CCDC146: variants seen among roughly 807,000 people sequenced by gnomAD.
CCDC146 encodes coiled-coil domain containing 146.
In CCDC146, 92 loss-of-function variants were observed where a neutral mutation model predicts 119.3. The ratio of observed to expected loss-of-function variants is 0.77; its 90% CI spans 0.65 to 0.92. CCDC146 has a LOEUF of 0.92. Ranked by LOEUF, CCDC146 falls within the 40% of genes least tolerant of loss-of-function variation. The pLI, the probability that CCDC146 is intolerant of heterozygous loss-of-function variation, is 0.00. For missense variants in CCDC146, 1,000 were observed against 1,103.0 expected, an observed-to-expected ratio of 0.91 and a Z score of 1.32; for synonymous variants, 372 against 371.8, an observed-to-expected ratio of 1.00 and a Z score of -0.01.
chr7:77,136,705 T>A (rs1478907151), intron 1 of CCDC146, among the ~76,000 whole-genome samples: 2 of 152,140 alleles, frequency 1.3e-5, no homozygotes, highest in East Asian at 1.9e-4. Context: ...AAGGAAAAAA[T>A]TATACTAATT....
chr7:77,264,620 CT>C (rs1174878366), intron 9 of CCDC146, among the ~76,000 whole-genome samples: 1 of 152,210 alleles, frequency 6.6e-6, no homozygotes, highest in Non-Finnish European at 1.5e-5. Context: ...ACAGCACATA[CT>C]TTTCAAAATC....
At chr7:77,147,765 C>T (rs1791044087) in intron 1 of CCDC146, among the ~76,000 whole-genome samples, 1 of 152,232 alleles carries the variant, frequency 6.6e-6, no homozygotes, top group South Asian at 2.1e-4. Flanking sequence ...GATCGTTCCT[C>T]TGGAAGCTTC....
rs531447282 is a variant in CCDC146, at chr7:77,158,661, A to C, written c.-11-8997A>C. On this transcript the variant is annotated intron_variant, in intron 1 of 18. Coordinates refer to ENST00000285871, the MANE Select transcript of CCDC146 (RefSeq NM_020879.3). The stretch of plus-strand genomic sequence containing the variant: ...CAGCCTCCTGAGTAGCTGGGATTAC[A>C]GGCGCCCACCACCATGCCCGGCTAA... 1.9e-4 allele frequency among the ~76,000 whole-genome samples: 29 copies of C among 152,152 alleles called. No individual in the cohort carries two copies. The East Asian group carries it at 5.4e-3, about 28-fold the overall frequency.
chr7:77,210,354 G>C (rs1792158566), intron 2 of CCDC146, among the ~76,000 whole-genome samples: 1 of 152,182 alleles, frequency 6.6e-6, no homozygotes, highest in South Asian at 2.1e-4. Flanking sequence ...AATGCCACCA[G>C]TCTCTTTGCT....
chr7:77,221,150 TC>T (rs1348153113), intron 2 of CCDC146, among the ~76,000 whole-genome samples: 2 of 152,218 alleles, frequency 1.3e-5, no homozygotes, highest in East Asian at 3.9e-4. Flanking sequence ...GCTATACCAT[TC>T]ATAAAGGATC....
chr7:77,275,455 A>T (rs950996633), intron 11 of CCDC146, among the ~76,000 whole-genome samples: 2 of 152,198 alleles, frequency 1.3e-5, no homozygotes, highest in Admixed American at 6.5e-5. Context: ...ATGGGAAAGG[A>T]GATCATTGAT....
chr7:77,273,867 A>G, intron 10 of CCDC146, 78 bp downstream of exon 10: 2 of 853,684 alleles, frequency 2.3e-6, no homozygotes, highest in Non-Finnish European at 3.8e-6. Flanking sequence ...GCTCCACAAA[A>G]CCTTATCAAT....
intron 3 of CCDC146, among the ~76,000 whole-genome samples, chr7:77,239,501 G>C (rs371210116): frequency 6.6e-6 from 1 of 152,206 alleles, no homozygotes; most frequent in African/African-American, 2.4e-5. Context: ...GGATGTATCT[G>C]TACTGAATTG....
chr7:77,161,029 T>C (rs997850418), intron 1 of CCDC146, among the ~76,000 whole-genome samples: 8 of 151,994 alleles, frequency 5.3e-5, no homozygotes, highest in African/African-American at 1.9e-4. Context: ...AAAAAACACA[T>C]GAAAAAATGC....
chr7:77,171,593 C>CT (rs1342886207), intron 2 of CCDC146, among the ~76,000 whole-genome samples: 1 of 152,188 alleles, frequency 6.6e-6, no homozygotes, highest in East Asian at 1.9e-4. Flanking sequence ...TAAATTTCTT[C>CT]TGTTTCATGC....
chr7:77,136,930 T>C (rs760110003), intron 1 of CCDC146, among the ~76,000 whole-genome samples: 1 of 152,204 alleles, frequency 6.6e-6, no homozygotes, highest in Non-Finnish European at 1.5e-5. Flanking sequence ...GTTTCAAATA[T>C]GCAAGGCTGG....
At chr7:77,128,649 C>T (rs1367421648) in intron 1 of CCDC146, among the ~76,000 whole-genome samples, 3 of 151,370 alleles carry the variant, frequency 2.0e-5, no homozygotes, top group Non-Finnish European at 4.4e-5. Context: ...TTTTTCTTTC[C>T]GTTTTGGTCT....
chr7:77,181,146 A>T (rs1473407921), intron 2 of CCDC146, among the ~76,000 whole-genome samples: 3 of 152,200 alleles, frequency 2.0e-5, no homozygotes, highest in Non-Finnish European at 2.9e-5. Flanking sequence ...GTCACATGGC[A>T]AAGTAGTGGG....
intron 2 of CCDC146, among the ~76,000 whole-genome samples, chr7:77,173,056 G>T (rs2117499531): frequency 6.6e-6 from 1 of 152,076 alleles, no homozygotes; most frequent in Non-Finnish European, 1.5e-5. Flanking sequence ...TGGACACAGA[G>T]AGGGGAACAA....
rs80244972 is a variant in CCDC146, at chr7:77,260,251, T to G, written c.986+15T>G. On this transcript the variant is annotated intron_variant, in intron 8 of 18. Transcript: ENST00000285871. Reference sequence around the variant, plus strand: ...TTAACTGAAAGGTTAGTTATATTTATGTATGTTATGTTCTGTCATCTAAAT... The same window carrying G: ...TTAACTGAAAGGTTAGTTATATTTAGGTATGTTATGTTCTGTCATCTAAAT... 3.2e-6 allele frequency: 5 copies of G among 1,569,378 alleles called. No individual in the cohort carries two copies. Among genetic ancestry groups the G allele is most frequent in the Non-Finnish European group, 4.4e-6 (5 of 1,148,468 alleles).
intron 2 of CCDC146, among the ~76,000 whole-genome samples, chr7:77,197,410 C>G (rs911471910): frequency 6.6e-6 from 1 of 152,240 alleles, no homozygotes; most frequent in African/African-American, 2.4e-5. Context: ...GCATAAAGAT[C>G]AGTGGCTTGC....
chr7:77,289,867 G>C (rs1793912719), intron 17 of CCDC146, among the ~76,000 whole-genome samples: 1 of 152,242 alleles, frequency 6.6e-6, no homozygotes, highest in Non-Finnish European at 1.5e-5. Context: ...ACTCGAGTGT[G>C]TAGTGGTTGC....
At chr7:77,237,113 C>G (rs1379125268) in intron 3 of CCDC146, 84 bp downstream of exon 3, 9 of 1,108,562 alleles carry the variant, frequency 8.1e-6, no homozygotes, top group Admixed American at 1.9e-5. Context: ...TTTGCATTCC[C>G]CCATAAGCAG....
chr7:77,251,989 A>T (rs1793070055), intron 4 of CCDC146, among the ~76,000 whole-genome samples: 1 of 152,138 alleles, frequency 6.6e-6, no homozygotes, highest in African/African-American at 2.4e-5. Flanking sequence ...TCTTTACTGA[A>T]AATACAAATA....
Sources: allele counts gnomAD v4.1 joint callset (sites outside exome capture counted in the v4.1 genomes callset), GRCh38; gene constraint gnomAD v4.1.1; transcripts MANE v1.5; gene names NCBI Gene and HGNC (gene_info 2026-07-23, HGNC 2026-07-21).